Variants in PIEZO2 observed in about 807,000 individuals in gnomAD.
PIEZO2 encodes the protein piezo type mechanosensitive ion channel component 2.
In PIEZO2, 172 loss-of-function variants were observed where a neutral mutation model predicts 337.3. That is an observed-to-expected ratio of 0.51 (90% CI 0.45 to 0.58). The LOEUF is 0.58. Among genes scored for constraint, PIEZO2 ranks in the 20% least tolerant of loss-of-function variants. PIEZO2 has a pLI of 0.00. For synonymous variants in PIEZO2, 1,251 were observed against 1,228.5 expected (o/e 1.02, Z -0.38); for missense variants, 3,028 against 3,391.3 (o/e 0.89, Z 2.66).
At chr18:10,865,119 G>C (rs1187051530) in intron 5 of PIEZO2, among the ~76,000 whole-genome samples, 1 of 152,284 alleles carries the variant, frequency 6.6e-6, no homozygotes, top group East Asian at 1.9e-4. Context: ...AGAAGGGCAG[G>C]GTGGCTACAG....
intron 4 of PIEZO2, among the ~76,000 whole-genome samples, chr18:10,907,714 A>T (rs181307380): frequency 6.6e-6 from 1 of 152,318 alleles, no homozygotes; most frequent in Admixed American, 6.5e-5. Context: ...CGAATGTACA[A>T]AGCCACGCCC....
intron 21 of PIEZO2, among the ~76,000 whole-genome samples, chr18:10,763,606 GA>G (rs1183973267): frequency 6.6e-6 from 1 of 152,216 alleles, no homozygotes; most frequent in Non-Finnish European, 1.5e-5. Context: ...GGTGAGGCTG[GA>G]GATGCAGCTA....
intron 33 of PIEZO2, 106 bp from the exon 34 acceptor site, chr18:10,736,816 C>A (rs1439765462): frequency 9.5e-6 from 12 of 1,260,574 alleles, no homozygotes; most frequent in Non-Finnish European, 1.3e-5. Flanking sequence ...CATAAGAGAA[C>A]CACAACGAAA....
At chr18:10,936,274 C>T (rs887943153) in intron 3 of PIEZO2, among the ~76,000 whole-genome samples, 5 of 152,116 alleles carry the variant, frequency 3.3e-5, no homozygotes, top group Admixed American at 1.3e-4. Context: ...ATTGCAATGT[C>T]GCAATTTCTC....
At chr18:10,762,740 C>G in intron 22 of PIEZO2, 115 bp from the exon 23 acceptor site, 1 of 1,363,298 alleles carries the variant, frequency 7.3e-7, no homozygotes, top group Non-Finnish European at 9.8e-7. Context: ...AGGGACAGGC[C>G]CATTTCAGGG....
intron 37 of PIEZO2, among the ~76,000 whole-genome samples, chr18:10,717,402 G>C (rs1232654931): frequency 1.3e-5 from 2 of 152,026 alleles, no homozygotes; most frequent in East Asian, 3.9e-4. Context: ...TGCCAGCAGA[G>C]GGGAGGCTTG....
intron 5 of PIEZO2, among the ~76,000 whole-genome samples, chr18:10,865,125 T>C (rs1482459695): frequency 6.6e-6 from 1 of 152,064 alleles, no homozygotes; most frequent in Non-Finnish European, 1.5e-5. Flanking sequence ...GCAGGGTGGC[T>C]ACAGCACAGT....
chr18:10,879,397 T>TC (rs2042353315), intron 4 of PIEZO2, among the ~76,000 whole-genome samples: 1 of 143,972 alleles, frequency 6.9e-6, no homozygotes, highest in Non-Finnish European at 1.5e-5. Flanking sequence ...CAATCTTTTT[T>TC]TTTTTTTTTT....
rs73399306 is a variant in PIEZO2 at position 10,705,620 on chromosome 18, G to A, written c.5715C>T (p.Tyr1905=). ...TAPEPREAKE[Y]EATGYDVGAM... ...CTCCCACATCGTACCCAGTGGCCTC[G>A]TACTCCTTGGCCTCCCTGGGCTCAG... The change falls in exon 41 of 56, where the codon TAC becomes TAT. Residue 1905 remains tyrosine, a synonymous_variant. Coordinates refer to ENST00000674853, the MANE Select transcript of PIEZO2 (RefSeq NM_001378183.1). 3,916 of 1,537,062 alleles carry A rather than the reference G, an allele frequency of 2.5e-3. 89 individuals are homozygous for A. The African/African-American group carries it at 0.046, about 18-fold the overall frequency.
rs887509607 is a variant in PIEZO2, at chr18:11,078,074, CACAAAA to C, written c.65-11858_65-11853del. Among the ~76,000 whole-genome samples, 2 of 150,720 alleles carry C rather than the reference CACAAAA, an allele frequency of 1.3e-5. No homozygotes were observed. Among genetic ancestry groups the C allele is most frequent in the African/African-American group, 4.9e-5 (2 of 40,792 alleles). On this transcript the variant is annotated intron_variant, in intron 1 of 55. Transcript: ENST00000674853. This position sits in a 1 kb window ranked among gnomAD's most constrained non-coding sequence, Gnocchi z 5.3. ...CACACACACACACACACACCACACA[CACAAAA>C]ACAAACATACACACACACAAACACA...
rs1436791319 is a variant in PIEZO2 at position 10,857,228 on chromosome 18, C to A, written c.493-17G>T. 3 of 1,534,996 alleles carry A rather than the reference C, an allele frequency of 2.0e-6. No homozygotes were observed. Among genetic ancestry groups the A allele is most frequent in the Non-Finnish European group, 2.6e-6 (3 of 1,144,986 alleles). Reference sequence around the variant, plus strand: ...TCCTTCAGCCTAAATAAATGACAAACAGGAAACACTCAAGTCCAGGAGCCT... The same window carrying A: ...TCCTTCAGCCTAAATAAATGACAAAAAGGAAACACTCAAGTCCAGGAGCCT... On this transcript the variant is annotated splice_polypyrimidine_tract_variant and intron_variant, in intron 5 of 55. Coordinates refer to ENST00000674853, the MANE Select transcript of PIEZO2 (RefSeq NM_001378183.1).
At position 11,143,649 on chromosome 18, in the gene PIEZO2, T is replaced by A. The variant is rs2040728990; in HGVS notation, c.64+4876A>T. On this transcript the variant is annotated intron_variant, in intron 1 of 55. Coordinates refer to ENST00000674853, the MANE Select transcript of PIEZO2 (RefSeq NM_001378183.1). This position sits in a 1 kb window ranked among gnomAD's most constrained non-coding sequence, Gnocchi z 4.9. ...CACACACACACACACACTCTCTCTC[T>A]CTCTCTCTCTCTCTCTCTCTCTCAC... is the stretch of plus-strand genomic sequence containing the variant. Among the ~76,000 whole-genome samples the A allele has an allele frequency of 6.8e-6, 1 of 147,984 alleles. No individual in the cohort carries two copies. Among genetic ancestry groups the A allele is most frequent in the Non-Finnish European group, 1.5e-5 (1 of 67,324 alleles).
chr18:10,884,839 A>C (rs565080961), intron 4 of PIEZO2, among the ~76,000 whole-genome samples: 78 of 152,340 alleles, frequency 5.1e-4, no homozygotes, highest in Non-Finnish European at 8.8e-4. Flanking sequence ...AGGAGAAAAA[A>C]GCAAGAATCT....
At chr18:10,807,725 A>C (rs975771739) in intron 7 of PIEZO2, among the ~76,000 whole-genome samples, 2 of 152,186 alleles carry the variant, frequency 1.3e-5, no homozygotes, top group Non-Finnish European at 2.9e-5. Flanking sequence ...AGTTGTACTC[A>C]GCTAGTGTTG....
chr18:10,857,375 C>T (rs970956124), intron 5 of PIEZO2, among the ~76,000 whole-genome samples, 164 bp from the exon 6 acceptor site: 1 of 152,076 alleles, frequency 6.6e-6, no homozygotes, highest in Non-Finnish European at 1.5e-5. Context: ...TGATAATCCC[C>T]GTATAAGCCC....
intron 49 of PIEZO2, among the ~76,000 whole-genome samples, chr18:10,689,390 G>T (rs909625268): frequency 6.6e-6 from 1 of 152,132 alleles, no homozygotes; most frequent in Non-Finnish European, 1.5e-5. Context: ...GAGTTGTTGG[G>T]ATATAGCAAG....
chr18:10,714,081 C>T (rs755744249), intron 39 of PIEZO2, among the ~76,000 whole-genome samples: 6 of 152,120 alleles, frequency 3.9e-5, no homozygotes, highest in African/African-American at 7.2e-5. Context: ...TATATACATC[C>T]TAGCTGTGTG....
chr18:10,756,624 G>A (rs1178194813), intron 27 of PIEZO2, among the ~76,000 whole-genome samples: 1 of 144,260 alleles, frequency 6.9e-6, no homozygotes, highest in Non-Finnish European at 1.5e-5. Flanking sequence ...AAGGATAGAT[G>A]GAGGATGAGG....
intron 4 of PIEZO2, among the ~76,000 whole-genome samples, chr18:10,886,926 C>T (rs1025898766): frequency 6.6e-6 from 1 of 152,048 alleles, no homozygotes. Context: ...AACCACGGTG[C>T]TGGCATTTGC....
Sources: gnomAD v4.1 joint callset for allele counts (sites outside exome capture counted in the v4.1 genomes callset) on GRCh38, gnomAD v4.1.1 for gene constraint, Gnocchi (gnomAD v3.1) non-coding constraint, MANE v1.5 for transcripts, NCBI Gene and HGNC (gene_info 2026-07-23, HGNC 2026-07-21) for gene names.